The following SLC17A1 variants were observed in gnomAD, a reference collection of about 807,000 sequenced individuals.
SLC17A1 encodes the protein sodium-dependent phosphate transport protein 1.
Under a neutral mutation model 53.5 loss-of-function variants are expected in SLC17A1, and 51 were observed. The ratio of observed to expected loss-of-function variants is 0.95; its 90% CI spans 0.76 to 1.20. The LOEUF (loss-of-function observed/expected upper bound fraction) is 1.20, where lower values mean the gene tolerates loss of function less well. Ranked by LOEUF, SLC17A1 falls within the 50% of genes most tolerant of loss-of-function variation. SLC17A1 has a pLI of 0.00. For synonymous variants in SLC17A1, 179 were observed against 198.8 expected, an observed-to-expected ratio of 0.90 and a Z score of 0.84; for missense variants, 538 against 568.2, an observed-to-expected ratio of 0.95 and a Z score of 0.54.
chr6:25,731,893 T>C, the SLC17A1 span: 3 of 1,602,616 alleles, frequency 1.9e-6, no homozygotes, highest in Non-Finnish European at 2.6e-6. Flanking sequence ...TCCCTGGAGG[T>C]GATGGTCGAG....
chr6:25,777,476 A>AG, the SLC17A1 span: 1 of 157,616 alleles, frequency 6.3e-6, no homozygotes, highest in East Asian at 1.9e-4. Context: ...CCCTTGTCAC[A>AG]GGGGAGCCGA....
chr6:25,752,260 A>C, the SLC17A1 span, among the ~76,000 whole-genome samples: 2 of 152,254 alleles, frequency 1.3e-5, no homozygotes, highest in Non-Finnish European at 2.9e-5. Context: ...CTCCTAGGCT[A>C]CAAACCTGTA....
the SLC17A1 span, among the ~76,000 whole-genome samples, chr6:25,757,984 C>T: frequency 0.52 from 78,486 of 151,954 alleles, 21,009 homozygotes; most frequent in East Asian, 0.8. Context: ...CTGAGTCATC[C>T]GTATCTGGTT....
chr6:25,812,795 C>G, intron 8 of SLC17A1, 36 bp downstream of exon 8: 4 of 1,502,962 alleles, frequency 2.7e-6, no homozygotes, highest in Non-Finnish European at 3.6e-6. Flanking sequence ...CAGAGTCTTT[C>G]GTGAAGTTAA....
At chr6:25,813,782 G>A (rs1034299542) in intron 6 of SLC17A1, among the ~76,000 whole-genome samples, 3 of 152,200 alleles carry the variant, frequency 2.0e-5, no homozygotes, top group African/African-American at 7.2e-5. Flanking sequence ...TCCCCTCTAC[G>A]TGTTCACGTG....
downstream of SLC17A1, chr6:25,779,199 A>G (rs373135124): frequency 2.4e-5 from 38 of 1,613,032 alleles, no homozygotes; most frequent in Admixed American, 6.3e-4. Context: ...GCAAACCGAG[A>G]GATGTGCTAG....
At chr6:25,800,617 C>T (rs1196302662) in intron 11 of SLC17A1, among the ~76,000 whole-genome samples, 1 of 152,088 alleles carries the variant, frequency 6.6e-6, no homozygotes, top group Non-Finnish European at 1.5e-5. Flanking sequence ...GATCAATCCA[C>T]ATATTCATTA....
the SLC17A1 span, chr6:25,776,923 C>T: frequency 6.2e-7 from 1 of 1,613,662 alleles, no homozygotes; most frequent in South Asian, 1.1e-5. Flanking sequence ...TTCTGTGAAT[C>T]AGGAGCCCTT....
At chr6:25,778,934 C>T (rs79232152), downstream of SLC17A1, 9,667 of 1,287,058 alleles carry the variant, frequency 7.5e-3, 167 homozygotes, top group African/African-American at 0.058. Context: ...AACTGGGAAG[C>T]CCATGGAAGC....
the SLC17A1 span, chr6:25,732,644 C>T: frequency 1.6e-6 from 2 of 1,270,780 alleles, no homozygotes; most frequent in Admixed American, 1.8e-5. Context: ...GCAACGCCGT[C>T]GGAACAAGAA....
intron 11 of SLC17A1, 77 bp from the exon 12 acceptor site, chr6:25,798,996 T>TA: frequency 7.3e-7 from 1 of 1,373,298 alleles, no homozygotes; most frequent in Non-Finnish European, 9.8e-7. Context: ...AATGTAATAT[T>TA]AAAAATGTAG....
In SLC17A1 at chr6:25,798,919, C is replaced by T. The variant is rs770659914; in HGVS notation, c.1270G>A (p.Asp424Asn). The T allele has an allele frequency of 1.9e-6, 3 of 1,555,346 alleles. No individual in the cohort carries two copies. The highest frequency in any genetic ancestry group is 1.7e-5 in the Admixed American group (1 of 57,972). ...STLTGLILKQ[D>N]PESAWFKTFI... ...GTTTTAAACCAGGCGGATTCCGGAT[C>T]CTAAGGAATTAAAATTCAAAGTAAT... Residue 424 changes from aspartate to asparagine, a missense_variant and splice_region_variant, in exon 12 of 13, where the codon GAT becomes AAT. Asp to Asn is a conservative substitution (Grantham distance 23). Transcript: ENST00000244527.
chr6:25,798,630 A>T, intron 12 of SLC17A1, 153 bp downstream of exon 12: 1 of 584,668 alleles, frequency 1.7e-6, no homozygotes, highest in Non-Finnish European at 2.7e-6. Flanking sequence ...TCCCACAGCC[A>T]TTTCAGGATG....
the SLC17A1 span, among the ~76,000 whole-genome samples, chr6:25,775,331 T>TG: frequency 7.9e-3 from 1,171 of 147,752 alleles, 16 homozygotes; most frequent in African/African-American, 0.019. Flanking sequence ...AAACTCTGTC[T>TG]AAAAAAAAAA....
At chr6:25,810,604 G>A (rs183451929) in intron 10 of SLC17A1, among the ~76,000 whole-genome samples, 6 of 152,140 alleles carry the variant, frequency 3.9e-5, no homozygotes, top group Admixed American at 1.3e-4. Flanking sequence ...CAAAAGGTAA[G>A]TGTTGATGGG....
At chr6:25,766,584 A>G in the SLC17A1 span, among the ~76,000 whole-genome samples, 2 of 152,342 alleles carry the variant, frequency 1.3e-5, no homozygotes, top group East Asian at 3.9e-4. Context: ...CAGGGCACCA[A>G]GATCAACTCA....
At chr6:25,779,090 TC>T, downstream of SLC17A1, 2 of 1,613,884 alleles carry the variant, frequency 1.2e-6, no homozygotes, top group East Asian at 4.5e-5. Context: ...CTTCTTGCTT[TC>T]AGCTGCTGTT....
chr6:25,815,582 C>T (rs1764322525), intron 6 of SLC17A1, among the ~76,000 whole-genome samples: 1 of 152,192 alleles, frequency 6.6e-6, no homozygotes, highest in East Asian at 1.9e-4. Context: ...TTCACCTCCT[C>T]CCCTCACCAG....
chr6:25,775,082 C>T, the SLC17A1 span, among the ~76,000 whole-genome samples: 1 of 152,154 alleles, frequency 6.6e-6, no homozygotes, highest in Non-Finnish European at 1.5e-5. Flanking sequence ...ATAATCCCAA[C>T]ACTTTGGGAG....
Sources: allele counts gnomAD v4.1 joint callset (sites outside exome capture counted in the v4.1 genomes callset), GRCh38; gene constraint gnomAD v4.1.1; transcripts MANE v1.5; gene names NCBI Gene and HGNC (gene_info 2026-07-23, HGNC 2026-07-21).